Variants in UST observed in about 807,000 individuals in gnomAD.
UST encodes chondroitin sulfate 2-O-sulfotransferase.
In UST, 21 loss-of-function variants were observed where a neutral mutation model predicts 45.6. That is an observed-to-expected ratio of 0.46 (90% CI 0.33 to 0.66). The LOEUF is 0.66. Ranked by LOEUF, UST falls within the 30% of genes least tolerant of loss-of-function variation. The probability of loss-of-function intolerance (pLI) is 0.02; values close to 1 mark genes in which losing one functional copy is unlikely to be tolerated. For synonymous variants in UST, 215 were observed against 200.6 expected (o/e 1.07, Z -0.61); for missense variants, 463 against 512.4 (o/e 0.90, Z 0.93).
At chr6:149,015,012 T>C (rs1775875820) in intron 5 of UST, among the ~76,000 whole-genome samples, 1 of 151,892 alleles carries the variant, frequency 6.6e-6, no homozygotes, top group Non-Finnish European at 1.5e-5. Flanking sequence ...GCTGTCATCA[T>C]CCTGTGGGGG....
intron 7 of UST, among the ~76,000 whole-genome samples, chr6:149,068,346 C>G (rs1232118854): frequency 2.0e-5 from 3 of 152,202 alleles, no homozygotes; most frequent in Non-Finnish European, 4.4e-5. Context: ...TGAGTTATAG[C>G]CTTGGCCTCA....
chr6:148,867,132 C>T (rs1404356193), intron 1 of UST, among the ~76,000 whole-genome samples: 6 of 152,152 alleles, frequency 3.9e-5, no homozygotes, highest in Non-Finnish European at 8.8e-5. Flanking sequence ...TGGGCATAAA[C>T]CAACACATTT....
intron 4 of UST, among the ~76,000 whole-genome samples, chr6:148,960,451 T>C (rs1250370086): frequency 3.3e-5 from 5 of 152,224 alleles, no homozygotes; most frequent in Non-Finnish European, 7.3e-5. Context: ...TATGGTACTT[T>C]TCACCCTTTA....
intron 1 of UST, among the ~76,000 whole-genome samples, chr6:148,813,075 C>T (rs1562265357): frequency 6.6e-6 from 1 of 152,158 alleles, no homozygotes; most frequent in African/African-American, 2.4e-5. Flanking sequence ...TACACACACA[C>T]ATGTATTTAC....
chr6:148,909,670 G>T (rs1389076707), intron 2 of UST, among the ~76,000 whole-genome samples: 1 of 152,198 alleles, frequency 6.6e-6, no homozygotes, highest in Non-Finnish European at 1.5e-5. Flanking sequence ...GCAAGGATGT[G>T]TGCTGGCAGA....
At chr6:148,764,037 A>G (rs566716823) in intron 1 of UST, among the ~76,000 whole-genome samples, 1 of 152,310 alleles carries the variant, frequency 6.6e-6, no homozygotes, top group East Asian at 1.9e-4. Context: ...TGAAAATGAC[A>G]TCGGTAATTT....
chr6:148,974,166 G>A (rs948229345), intron 5 of UST, among the ~76,000 whole-genome samples: 1 of 152,158 alleles, frequency 6.6e-6, no homozygotes, highest in Non-Finnish European at 1.5e-5. Context: ...GTCGATGTTA[G>A]CATGAGCTTA....
intron 5 of UST, among the ~76,000 whole-genome samples, chr6:149,004,553 C>T (rs749825647): frequency 2.6e-5 from 4 of 152,168 alleles, no homozygotes; most frequent in African/African-American, 4.8e-5. Flanking sequence ...TAAAAGTTCA[C>T]GCTAATAACC....
At chr6:148,780,350 T>G (rs1582807218) in intron 1 of UST, among the ~76,000 whole-genome samples, 1 of 152,254 alleles carries the variant, frequency 6.6e-6, no homozygotes, top group Non-Finnish European at 1.5e-5. Flanking sequence ...ACGCGTGTCA[T>G]GGGAGTTTGT....
chr6:148,984,345 G>T (rs1190372491), intron 5 of UST, among the ~76,000 whole-genome samples: 1 of 152,120 alleles, frequency 6.6e-6, no homozygotes, highest in Non-Finnish European at 1.5e-5. Context: ...ATAGGTCAAG[G>T]GTCCCAAGTA....
At position 148,765,717 on chromosome 6, in the gene UST, G is replaced by C. The variant is rs572442019; in HGVS notation, c.247+18040G>C. Among the ~76,000 whole-genome samples the C allele has an allele frequency of 7.2e-5, 11 of 152,290 alleles. 1 individual carries two copies. The South Asian group carries it at 2.3e-3, about 32-fold the overall frequency. On this transcript the variant is annotated intron_variant, in intron 1 of 7. Coordinates refer to ENST00000367463, the MANE Select transcript of UST (RefSeq NM_005715.3). ...TCACAATTTATGTTCAGAGATTGTA[G>C]TAAAGACAGGCATAAGAAATTATAA...
chr6:148,825,600 T>C (rs1223635302), intron 1 of UST, among the ~76,000 whole-genome samples: 1 of 152,226 alleles, frequency 6.6e-6, no homozygotes, highest in African/African-American at 2.4e-5. Context: ...GAAGAAGTTC[T>C]GGTAATGCAT....
intron 1 of UST, among the ~76,000 whole-genome samples, chr6:148,755,843 C>T (rs1302157793): frequency 6.6e-6 from 1 of 152,004 alleles, no homozygotes; most frequent in Non-Finnish European, 1.5e-5. Context: ...TGGTAATCAT[C>T]CAGGTGAAAA....
intron 1 of UST, among the ~76,000 whole-genome samples, chr6:148,798,864 A>ATT (rs1376327104): frequency 6.6e-6 from 1 of 151,402 alleles, no homozygotes; most frequent in Non-Finnish European, 1.5e-5. Context: ...TTATTTATTT[A>ATT]TTTATTTATT....
chr6:148,930,264 G>A (rs1779896334), intron 2 of UST, among the ~76,000 whole-genome samples: 1 of 152,212 alleles, frequency 6.6e-6, no homozygotes, highest in African/African-American at 2.4e-5. Flanking sequence ...CAGGGCAAGA[G>A]ACTTGTTGTA....
intron 1 of UST, among the ~76,000 whole-genome samples, chr6:148,820,617 G>A (rs775645374): frequency 1.1e-4 from 17 of 152,018 alleles, no homozygotes; most frequent in Non-Finnish European, 2.4e-4. Flanking sequence ...TTGGGAGGCC[G>A]AGGCAGGCGG....
At chr6:148,983,979 A>T (rs1781189259) in intron 5 of UST, among the ~76,000 whole-genome samples, 1 of 152,182 alleles carries the variant, frequency 6.6e-6, no homozygotes, top group Non-Finnish European at 1.5e-5. Flanking sequence ...TTCTTTTTTT[A>T]AAAAATTAAA....
intron 1 of UST, among the ~76,000 whole-genome samples, chr6:148,829,538 T>A (rs1029543622): frequency 7.2e-5 from 11 of 152,132 alleles, no homozygotes; most frequent in African/African-American, 2.7e-4. Flanking sequence ...CCGGCTCAAA[T>A]CCACCCCACT....
chr6:148,861,202 G>C (rs1229686254), intron 1 of UST, among the ~76,000 whole-genome samples: 4 of 152,092 alleles, frequency 2.6e-5, no homozygotes, highest in South Asian at 4.1e-4. Context: ...CAGGGATTCA[G>C]CTTCTTCCTG....
Sources: allele counts gnomAD v4.1 joint callset (sites outside exome capture counted in the v4.1 genomes callset), GRCh38; gene constraint gnomAD v4.1.1; transcripts MANE v1.5; gene names NCBI Gene and HGNC (gene_info 2026-07-23, HGNC 2026-07-21).